Variants in RERE observed in about 807,000 individuals in gnomAD.
RERE encodes the protein arginine-glutamic acid dipeptide repeats protein.
Under a neutral mutation model 146.1 loss-of-function variants are expected in RERE, and 40 were observed. That is an observed-to-expected ratio of 0.27 (90% confidence interval 0.21 to 0.36). The LOEUF is 0.36. RERE is among the 10% of genes least tolerant of loss of function. The probability of loss-of-function intolerance (pLI) is 1.00; values close to 1 mark genes in which losing one functional copy is unlikely to be tolerated. For synonymous variants in RERE, 1,003 were observed against 866.0 expected (o/e 1.16, Z -2.78); for missense variants, 1,933 against 2,138.7 (o/e 0.90, Z 1.90).
At chr1:8,615,253 A>G (rs964780690) in intron 3 of RERE, among the ~76,000 whole-genome samples, 2 of 152,244 alleles carry the variant, frequency 1.3e-5, no homozygotes, top group Non-Finnish European at 2.9e-5. Flanking sequence ...AAACAGAGGG[A>G]AAAAGACAAT....
chr1:8,628,339 A>G (rs1646998264), intron 2 of RERE, among the ~76,000 whole-genome samples: 1 of 152,216 alleles, frequency 6.6e-6, no homozygotes. Flanking sequence ...CAGAATGGCT[A>G]AGACTGGAGT....
intron 1 of RERE, among the ~76,000 whole-genome samples, chr1:8,690,695 G>C (rs79270989): frequency 0.048 from 7,287 of 152,144 alleles, 251 homozygotes; most frequent in Non-Finnish European, 0.073. Flanking sequence ...CTAGTTTCAC[G>C]GGTCACACAG....
intron 12 of RERE, among the ~76,000 whole-genome samples, chr1:8,417,230 A>G (rs903632282): frequency 2.0e-5 from 3 of 152,234 alleles, no homozygotes; most frequent in Admixed American, 6.5e-5. Context: ...ATATTAACAG[A>G]AACCTGATTA....
intron 1 of RERE, among the ~76,000 whole-genome samples, chr1:8,789,812 A>T (rs566206073): frequency 6.0e-4 from 92 of 152,228 alleles, no homozygotes; most frequent in African/African-American, 2.1e-3. Context: ...CTGCTCTCCC[A>T]GTCTGCTATT....
chr1:8,790,235 T>C (rs1641339732), intron 1 of RERE, among the ~76,000 whole-genome samples: 1 of 152,028 alleles, frequency 6.6e-6, no homozygotes, highest in South Asian at 2.1e-4. Flanking sequence ...GGAAATGGCA[T>C]ATGTACTGAA....
intron 3 of RERE, among the ~76,000 whole-genome samples, chr1:8,623,059 A>C (rs9782988): frequency 4.6e-5 from 7 of 152,332 alleles, no homozygotes; most frequent in Non-Finnish European, 7.4e-5. Context: ...AAGTACTAGG[A>C]TCCCTTGTAA....
chr1:8,664,109 T>C (rs144293810), intron 1 of RERE, among the ~76,000 whole-genome samples: 1 of 152,312 alleles, frequency 6.6e-6, no homozygotes, highest in East Asian at 1.9e-4. Flanking sequence ...ATGTCTACCA[T>C]GTCATATTCC....
rs140842671 is a variant in RERE, at chr1:8,747,079, G to A, written c.-145+70081C>T. On this transcript the variant is annotated intron_variant, in intron 1 of 22. Coordinates refer to ENST00000400908, the MANE Select transcript of RERE (RefSeq NM_001042681.2). ...CAGGCTGGAGCGATCTTGGCTCACT[G>A]CAAGCTCCGCCTCCCGGGTCCACGC... Among the ~76,000 whole-genome samples, 825 of 152,028 alleles carry A rather than the reference G, an allele frequency of 5.4e-3. 8 individuals are homozygous for A. The highest frequency in any genetic ancestry group is 0.019 in the African/African-American group (790 of 41,474).
At chr1:8,804,324 G>A (rs1416251478) in intron 1 of RERE, among the ~76,000 whole-genome samples, 1 of 152,152 alleles carries the variant, frequency 6.6e-6, no homozygotes, top group African/African-American at 2.4e-5. Context: ...ACAAATTTCA[G>A]TGAAAATTCT....
intron 1 of RERE, among the ~76,000 whole-genome samples, chr1:8,813,327 CA>C (rs1229474351): frequency 6.6e-6 from 1 of 152,088 alleles, no homozygotes; most frequent in Non-Finnish European, 1.5e-5. Context: ...AAGTAGCTGC[CA>C]AAAGTAGCTT....
intron 11 of RERE, chr1:8,424,350 C>T (rs1481730796): frequency 6.6e-6 from 1 of 152,276 alleles, no homozygotes; most frequent in Non-Finnish European, 1.5e-5. Context: ...GTTTGAGACC[C>T]GCCAGGCGGA....
At chr1:8,440,592 A>C (rs1644233040) in intron 11 of RERE, among the ~76,000 whole-genome samples, 1 of 143,512 alleles carries the variant, frequency 7.0e-6, no homozygotes. Context: ...TCCACCTAAA[A>C]AAAAAAAAAA....
intron 4 of RERE, among the ~76,000 whole-genome samples, chr1:8,573,577 C>T (rs893263474): frequency 3.3e-5 from 5 of 152,224 alleles, no homozygotes; most frequent in Admixed American, 3.3e-4. Context: ...TCCAGTTTTC[C>T]ACCATTACAA....
intron 1 of RERE, among the ~76,000 whole-genome samples, chr1:8,763,068 A>T (rs1640784686): frequency 6.6e-6 from 1 of 152,224 alleles, no homozygotes; most frequent in Non-Finnish European, 1.5e-5. Flanking sequence ...TATCTGCAAT[A>T]TATAGCAGGT....
At chr1:8,808,616 G>A (rs978191592) in intron 1 of RERE, among the ~76,000 whole-genome samples, 1 of 152,136 alleles carries the variant, frequency 6.6e-6, no homozygotes, top group Non-Finnish European at 1.5e-5. Context: ...TAACCTGCCC[G>A]AAGTCACAGA....
intron 7 of RERE, among the ~76,000 whole-genome samples, chr1:8,518,295 G>A (rs936325997): frequency 5.9e-5 from 9 of 152,178 alleles, no homozygotes; most frequent in Admixed American, 3.9e-4. Context: ...CCTAACAGTC[G>A]TGTAGCCTGT....
At chr1:8,499,323 G>A (rs935895435) in intron 8 of RERE, among the ~76,000 whole-genome samples, 3 of 152,134 alleles carry the variant, frequency 2.0e-5, no homozygotes, top group South Asian at 2.1e-4. Flanking sequence ...TAGTAGTCAC[G>A]TTAAACAAAA....
chr1:8,534,395 T>C (rs1645697634), intron 7 of RERE, among the ~76,000 whole-genome samples: 1 of 152,210 alleles, frequency 6.6e-6, no homozygotes, highest in South Asian at 2.1e-4. Flanking sequence ...TGGATTGAAC[T>C]TGGAGAATTT....
intron 1 of RERE, among the ~76,000 whole-genome samples, chr1:8,794,883 T>C (rs537946400): frequency 6.0e-4 from 91 of 151,710 alleles, no homozygotes; most frequent in Admixed American, 1.4e-3. Context: ...TGCCATCATG[T>C]CACACTGCAG....
Sources: allele counts gnomAD v4.1 joint callset (sites outside exome capture counted in the v4.1 genomes callset), GRCh38; gene constraint gnomAD v4.1.1; transcripts MANE v1.5; gene names NCBI Gene and HGNC (gene_info 2026-07-23, HGNC 2026-07-21).